Variants in DCC observed in about 807,000 individuals in gnomAD.
DCC encodes netrin receptor DCC.
DCC carries 58 observed loss-of-function variants against 172.5 expected under a neutral mutation model. The ratio of observed to expected loss-of-function variants is 0.34; its 90% CI spans 0.27 to 0.42. The LOEUF (loss-of-function observed/expected upper bound fraction) is 0.42. Ranked by LOEUF, DCC falls within the 10% of genes least tolerant of loss-of-function variation. The probability of loss-of-function intolerance (pLI) is 1.00; values close to 1 mark genes in which losing one functional copy is unlikely to be tolerated. For missense variants in DCC, 1,740 were observed against 1,791.0 expected (o/e 0.97, Z 0.51); for synonymous variants, 709 against 644.5 (o/e 1.10, Z -1.52).
intron 12 of DCC, among the ~76,000 whole-genome samples, chr18:53,228,128 A>G (rs981628924): frequency 6.6e-6 from 1 of 152,102 alleles, no homozygotes; most frequent in Admixed American, 6.6e-5. Flanking sequence ...CAATATTTCC[A>G]AGTTGGGTTT....
chr18:52,805,106 CAG>C (rs1204510003), intron 2 of DCC, among the ~76,000 whole-genome samples: 1 of 152,166 alleles, frequency 6.6e-6, no homozygotes, highest in Non-Finnish European at 1.5e-5. Flanking sequence ...AGCTGCCTCA[CAG>C]AGCTATTGCA....
intron 7 of DCC, among the ~76,000 whole-genome samples, chr18:53,111,996 G>A (rs897669171): frequency 1.3e-5 from 2 of 151,514 alleles, no homozygotes; most frequent in African/African-American, 4.8e-5. Context: ...TGGCCTGAAT[G>A]TTGATCTGAG....
intron 1 of DCC, among the ~76,000 whole-genome samples, chr18:52,645,780 C>T (rs28477495): frequency 5.6e-4 from 86 of 152,270 alleles, no homozygotes; most frequent in African/African-American, 2.0e-3. Flanking sequence ...TGAGCTCTAA[C>T]AAGGAAAACT....
At chr18:52,342,204 C>G (rs1450205812) in intron 1 of DCC, among the ~76,000 whole-genome samples, 1 of 152,202 alleles carries the variant, frequency 6.6e-6, no homozygotes. Flanking sequence ...GGAATCTGCG[C>G]TTGCACTCGG....
chr18:52,453,615 A>G (rs1988372901), intron 1 of DCC, among the ~76,000 whole-genome samples: 1 of 152,186 alleles, frequency 6.6e-6, no homozygotes, highest in Non-Finnish European at 1.5e-5. Flanking sequence ...AAATCTTAAC[A>G]TCTCAAGAAT....
chr18:52,953,030 T>C (rs1398045269), intron 5 of DCC, among the ~76,000 whole-genome samples: 39 of 81,250 alleles, frequency 4.8e-4, no homozygotes, highest in Non-Finnish European at 6.8e-4. Context: ...AAAAAAAAAC[T>C]CATAACATTG....
chr18:53,177,080 CA>C (rs887128867), intron 8 of DCC, among the ~76,000 whole-genome samples: 2 of 149,538 alleles, frequency 1.3e-5, no homozygotes, highest in African/African-American at 4.9e-5. Flanking sequence ...ATCGCAAGAA[CA>C]AAAAACCAAA....
At chr18:53,230,727 A>G (rs1248295390) in intron 12 of DCC, among the ~76,000 whole-genome samples, 1 of 151,974 alleles carries the variant, frequency 6.6e-6, no homozygotes, top group African/African-American at 2.4e-5. Context: ...GGCCTTAAGA[A>G]TTTTCACTTC....
rs368503523 is a variant in DCC at position 52,794,443 on chromosome 18, AT to A, written c.412+42070del. 1.4e-4 allele frequency among the ~76,000 whole-genome samples: 22 copies of A among 152,118 alleles called. No homozygotes were observed. In the East Asian group the frequency reaches 4.1e-3, roughly 28 times the overall value. ...TGAGATCACGTCCTTCATTTTTAAAATCTAGTTTGTTATTGGTATATAGGAG... is the reference window on the plus strand; with the variant it reads ...TGAGATCACGTCCTTCATTTTTAAAACTAGTTTGTTATTGGTATATAGGAG... On this transcript the variant is annotated intron_variant, in intron 2 of 28. Coordinates refer to ENST00000442544, the MANE Select transcript of DCC (RefSeq NM_005215.4).
intron 14 of DCC, among the ~76,000 whole-genome samples, 161 bp from the exon 15 acceptor site, chr18:53,339,552 A>G (rs767979811): frequency 6.6e-6 from 1 of 152,232 alleles, no homozygotes; most frequent in Non-Finnish European, 1.5e-5. Flanking sequence ...CAAATCAAAC[A>G]TAGAAAATAT....
chr18:52,844,543 T>A (rs894115324), intron 2 of DCC, among the ~76,000 whole-genome samples: 7 of 152,208 alleles, frequency 4.6e-5, no homozygotes, highest in Non-Finnish European at 8.8e-5. Flanking sequence ...CCTCAGTGAC[T>A]CATCATGGTA....
intron 21 of DCC, among the ~76,000 whole-genome samples, chr18:53,433,794 G>C (rs139538539): frequency 6.6e-6 from 1 of 151,990 alleles, no homozygotes; most frequent in African/African-American, 2.4e-5. Context: ...ACACACATAG[G>C]AGCCTGCATC....
intron 1 of DCC, among the ~76,000 whole-genome samples, chr18:52,717,869 A>C (rs1376734960): frequency 9.9e-5 from 15 of 152,206 alleles, no homozygotes; most frequent in Admixed American, 9.8e-4. Flanking sequence ...AACAGGCAGA[A>C]CTTTTAGTGC....
chr18:53,068,771 C>CTGTGTGTGTGTGTGTGTGTG (rs74683814), intron 7 of DCC, among the ~76,000 whole-genome samples: 33 of 143,728 alleles, frequency 2.3e-4, no homozygotes, highest in East Asian at 1.9e-3. Flanking sequence ...ACCTTTTAGA[C>CTGTGTGTGTGTGTGTGTGTG]TGTGTGTGTG....
chr18:53,301,158 C>T (rs868725079), intron 12 of DCC, among the ~76,000 whole-genome samples: 2 of 148,622 alleles, frequency 1.3e-5, no homozygotes, highest in African/African-American at 5.0e-5. Flanking sequence ...GGTGTGATCT[C>T]GGCTCACTGC....
At chr18:52,523,121 A>G (rs780085928) in intron 1 of DCC, among the ~76,000 whole-genome samples, 17 of 152,182 alleles carry the variant, frequency 1.1e-4, no homozygotes, top group Non-Finnish European at 2.2e-4. Context: ...TTATTCCCAG[A>G]TCTGCCATTG....
intron 23 of DCC, among the ~76,000 whole-genome samples, chr18:53,458,950 C>T (rs576472566): frequency 3.7e-4 from 56 of 152,260 alleles, no homozygotes; most frequent in South Asian, 1.7e-3. Context: ...CCCATTTTCA[C>T]CTTGCACATG....
intron 1 of DCC, among the ~76,000 whole-genome samples, chr18:52,565,394 T>C (rs2033136483): frequency 6.6e-6 from 1 of 152,194 alleles, no homozygotes. Flanking sequence ...TTTATTGTTC[T>C]AGATCCTTGA....
intron 5 of DCC, among the ~76,000 whole-genome samples, chr18:52,981,586 C>G (rs1424066689): frequency 6.6e-6 from 1 of 151,886 alleles, no homozygotes; most frequent in Non-Finnish European, 1.5e-5. Context: ...ACAGATATGT[C>G]TCTATAGGTG....
Sources: allele counts gnomAD v4.1 joint callset (sites outside exome capture counted in the v4.1 genomes callset), GRCh38; gene constraint gnomAD v4.1.1; transcripts MANE v1.5; gene names NCBI Gene and HGNC (gene_info 2026-07-23, HGNC 2026-07-21).